FBXO16: variants seen among roughly 807,000 people sequenced by gnomAD.
FBXO16 encodes the protein F-box only protein 16.
Under a neutral mutation model 41.0 loss-of-function variants are expected in FBXO16, and 31 were observed. The observed-to-expected ratio is 0.76, with a 90% CI of 0.57 to 1.02. The LOEUF is 1.02. Among genes scored for constraint, FBXO16 ranks in the 50% least tolerant of loss-of-function variants. The pLI is 0.00. For synonymous variants in FBXO16, 133 were observed against 117.8 expected, an observed-to-expected ratio of 1.13 and a Z score of -0.84; for missense variants, 361 against 346.2, an observed-to-expected ratio of 1.04 and a Z score of -0.34.
At chr8:28,464,677 G>A (rs997296109) in intron 3 of FBXO16, among the ~76,000 whole-genome samples, 37 of 151,226 alleles carry the variant, frequency 2.4e-4, no homozygotes, top group East Asian at 1.9e-4. Flanking sequence ...TTTTTGAGAC[G>A]GAGTCTCACT....
rs112026426 is a variant in FBXO16, at chr8:28,443,775, G to A, written c.843+3396C>T. Among the ~76,000 whole-genome samples, 1,441 of 152,138 alleles carry A rather than the reference G, an allele frequency of 9.5e-3. 32 individuals carry two copies. Among genetic ancestry groups the A allele is most frequent in the African/African-American group, 0.033 (1,349 of 41,484 alleles). On this transcript the variant is annotated intron_variant, in intron 7 of 8. Transcript: ENST00000380254. The stretch of plus-strand genomic sequence containing the variant: ...TAAAACAGGTTGCAATAAAAAAGCC[G>A]GCCAAAACCCACCAAAACCAAGATG...
intron 4 of FBXO16, among the ~76,000 whole-genome samples, chr8:28,457,584 C>CAGATCTCATA (rs1803058894): frequency 6.6e-6 from 1 of 152,170 alleles, no homozygotes. Context: ...ATAAAACTAT[C>CAGATCTCATA]AGATCTCATA....
intron 1 of FBXO16, among the ~76,000 whole-genome samples, chr8:28,489,974 C>G (rs113301056): frequency 1.3e-5 from 2 of 152,172 alleles, no homozygotes; most frequent in African/African-American, 4.8e-5. Context: ...AAAGCAAGAA[C>G]TATAACACAA....
intron 6 of FBXO16, among the ~76,000 whole-genome samples, chr8:28,449,558 G>A (rs1802919398): frequency 6.6e-6 from 1 of 151,916 alleles, no homozygotes; most frequent in African/African-American, 2.4e-5. Flanking sequence ...CCTAGACTCA[G>A]GTGATACTTC....
At chr8:28,473,412 G>A (rs1323545248) in intron 3 of FBXO16, among the ~76,000 whole-genome samples, 1 of 152,062 alleles carries the variant, frequency 6.6e-6, no homozygotes, top group African/African-American at 2.4e-5. Flanking sequence ...TTAGGAGGTG[G>A]GGTCTTTGTG....
intron 6 of FBXO16, chr8:28,448,874 A>G (rs1345622275): frequency 6.6e-6 from 1 of 152,250 alleles, no homozygotes; most frequent in Non-Finnish European, 1.5e-5. Context: ...TATTCAGGCT[A>G]CAATGGCAGA....
At chr8:28,483,557 G>A (rs988498211) in intron 1 of FBXO16, 95 bp from the exon 2 acceptor site, 7 of 831,680 alleles carry the variant, frequency 8.4e-6, no homozygotes, top group Admixed American at 4.5e-5. Context: ...GATGGCTCAC[G>A]CCTGTAATTC....
chr8:28,489,383 T>C (rs1307812470), intron 1 of FBXO16, among the ~76,000 whole-genome samples: 1 of 151,502 alleles, frequency 6.6e-6, no homozygotes, highest in African/African-American at 2.4e-5. Flanking sequence ...CCACAATTTG[T>C]AGAAATGTTG....
chr8:28,444,798 T>TTA (rs1802837353), intron 7 of FBXO16, among the ~76,000 whole-genome samples: 1 of 133,278 alleles, frequency 7.5e-6, no homozygotes, highest in African/African-American at 2.9e-5. Flanking sequence ...TTTTTTTTTT[T>TTA]TTTTTTGTAT....
intron 3 of FBXO16, among the ~76,000 whole-genome samples, chr8:28,467,828 T>A (rs1803269630): frequency 6.6e-6 from 1 of 152,224 alleles, no homozygotes; most frequent in South Asian, 2.1e-4. Flanking sequence ...ATTACATTGG[T>A]TCCTCATTTA....
intron 1 of FBXO16, among the ~76,000 whole-genome samples, chr8:28,485,858 AGCACTTTG>A (rs1170211978): frequency 6.6e-6 from 1 of 152,224 alleles, no homozygotes; most frequent in Non-Finnish European, 1.5e-5. Context: ...CTGTAATAGC[AGCACTTTG>A]GGAGGCTGAG....
chr8:28,455,907 G>A (rs1803031400), intron 5 of FBXO16: 2 of 152,118 alleles, frequency 1.3e-5, no homozygotes, highest in African/African-American at 4.8e-5. Flanking sequence ...AAATAAGCAA[G>A]CTAGGAGTCG....
chr8:28,471,303 G>T (rs764713823), intron 3 of FBXO16, among the ~76,000 whole-genome samples: 2 of 151,836 alleles, frequency 1.3e-5, no homozygotes, highest in African/African-American at 4.8e-5. Flanking sequence ...TTTAAAAAAT[G>T]ATTTCACTTC....
intron 4 of FBXO16, among the ~76,000 whole-genome samples, chr8:28,458,544 C>CTTTTTTTTTT (rs34617439): frequency 2.5e-4 from 22 of 87,560 alleles, no homozygotes; most frequent in African/African-American, 3.6e-4. Flanking sequence ...TCTTCTTCTT[C>CTTTTTTTTTT]TTTTTTTTTT....
intron 2 of FBXO16, among the ~76,000 whole-genome samples, chr8:28,478,303 G>C (rs189876804): frequency 6.6e-6 from 1 of 152,066 alleles, no homozygotes; most frequent in Non-Finnish European, 1.5e-5. Flanking sequence ...AGAACTGAAG[G>C]ATTTATTTCC....
In FBXO16 at chr8:28,441,276, G is replaced by A. The variant is rs145658723; in HGVS notation, c.843+5895C>T. On this transcript the variant is annotated intron_variant, in intron 7 of 8. Transcript: ENST00000380254. ...TTCCAGGAGCAGAAACAACAAATTC[G>A]TCCCCTAATCTCTAGACCAGCAGGT... 5.8e-3 allele frequency among the ~76,000 whole-genome samples: 877 copies of A among 151,788 alleles called. 9 individuals carry two copies. The highest frequency in any genetic ancestry group is 0.02 in the African/African-American group (834 of 41,352).
chr8:28,462,513 T>C (rs370753528), intron 4 of FBXO16, among the ~76,000 whole-genome samples: 352 of 149,568 alleles, frequency 2.4e-3, no homozygotes, highest in African/African-American at 8.0e-3. Flanking sequence ...CTCCTGACCT[T>C]GTGATCCGCC....
intron 3 of FBXO16, among the ~76,000 whole-genome samples, chr8:28,466,231 A>AAAAAC (rs137921679): frequency 1.3e-5 from 2 of 152,066 alleles, no homozygotes; most frequent in South Asian, 4.1e-4. Flanking sequence ...CTCCATCTGA[A>AAAAAC]AAAACAAAAC....
intron 7 of FBXO16, among the ~76,000 whole-genome samples, chr8:28,442,131 G>A (rs1241449951): frequency 6.6e-6 from 1 of 151,664 alleles, no homozygotes; most frequent in Non-Finnish European, 1.5e-5. Flanking sequence ...GTAGAGACAG[G>A]GTTTCACCAC....
Sources: allele counts gnomAD v4.1 joint callset (sites outside exome capture counted in the v4.1 genomes callset), GRCh38; gene constraint gnomAD v4.1.1; transcripts MANE v1.5; gene names NCBI Gene and HGNC (gene_info 2026-07-23, HGNC 2026-07-21).